The following S100Z variants were observed in gnomAD, a reference collection of about 807,000 sequenced individuals.
S100Z encodes the protein S100 calcium binding protein Z.
Under a neutral mutation model 8.5 loss-of-function variants are expected in S100Z, and 11 were observed. The observed-to-expected ratio is 1.30, with a 90% CI of 0.82 to 2.15. The LOEUF (loss-of-function observed/expected upper bound fraction) is 2.15. S100Z is among the 30% of genes most tolerant of loss of function. S100Z has a pLI of 0.00. For missense variants in S100Z, 126 were observed against 117.9 expected, an observed-to-expected ratio of 1.07 and a Z score of -0.32; for synonymous variants, 34 against 43.8, an observed-to-expected ratio of 0.78 and a Z score of 0.89.
rs539990628 is a variant in S100Z, at chr5:76,858,290, A to T, written c.-176+8135A>T. Among the ~76,000 whole-genome samples, 9 of 152,330 alleles carry T rather than the reference A, an allele frequency of 5.9e-5. No homozygotes were observed. The South Asian group carries it at 1.9e-3, about 32-fold the overall frequency. ...GTAATCCCAGCACTTTGGGAGGCCA[A>T]GGTAGGTGGATCACCTGAGGTCAGG... On this transcript the variant is annotated intron_variant, in intron 1 of 4. Coordinates refer to ENST00000317593, the MANE Select transcript of S100Z (RefSeq NM_130772.4).
At chr5:76,902,639 T>G (rs933910858) in intron 4 of S100Z, among the ~76,000 whole-genome samples, 1 of 150,440 alleles carries the variant, frequency 6.6e-6, no homozygotes, top group Non-Finnish European at 1.5e-5. Context: ...TTTTTTTTGT[T>G]TTTTTTTTGT....
At chr5:76,891,937 C>T (rs1743873927) in intron 4 of S100Z, among the ~76,000 whole-genome samples, 1 of 152,098 alleles carries the variant, frequency 6.6e-6, no homozygotes, top group Non-Finnish European at 1.5e-5. Context: ...AATACAGTGG[C>T]TCACCTGCAT....
intron 3 of S100Z, 68 bp downstream of exon 3, chr5:76,875,568 TTTGGGTTC>T: frequency 1.4e-6 from 2 of 1,419,324 alleles, no homozygotes; most frequent in Non-Finnish European, 1.9e-6. Flanking sequence ...CAGGACAGCC[TTTGGGTTC>T]ATACTGTCCT....
chr5:76,878,064 G>C (rs1456144663), intron 4 of S100Z: 4 of 296,408 alleles, frequency 1.3e-5, no homozygotes, highest in Non-Finnish European at 2.5e-5. Flanking sequence ...GTATTATTAA[G>C]AGGCTATATG....
chr5:76,949,464 G>A, the S100Z span, among the ~76,000 whole-genome samples: 12 of 152,116 alleles, frequency 7.9e-5, no homozygotes, highest in Admixed American at 5.2e-4. Flanking sequence ...CCACTTCTGC[G>A]TATTTTTCCA....
chr5:76,907,532 T>G (rs991602917), intron 4 of S100Z, among the ~76,000 whole-genome samples: 3 of 152,192 alleles, frequency 2.0e-5, no homozygotes, highest in African/African-American at 7.2e-5. Context: ...CTCGATCTCC[T>G]GACCTCTTGA....
At chr5:76,943,659 C>G in the S100Z span, among the ~76,000 whole-genome samples, 4 of 152,192 alleles carry the variant, frequency 2.6e-5, no homozygotes, top group African/African-American at 7.2e-5. Context: ...ACATTGCCCA[C>G]ACCTTTGTAA....
At chr5:76,938,626 T>A in the S100Z span, among the ~76,000 whole-genome samples, 1 of 152,238 alleles carries the variant, frequency 6.6e-6, no homozygotes, top group Non-Finnish European at 1.5e-5. Context: ...TGGTTAGTGC[T>A]TTCTGTAACC....
chr5:76,942,126 TA>T, the S100Z span, among the ~76,000 whole-genome samples: 3 of 151,842 alleles, frequency 2.0e-5, no homozygotes, highest in South Asian at 6.2e-4. Context: ...TTATTATTAT[TA>T]TTTTGTAGAC....
intron 4 of S100Z, among the ~76,000 whole-genome samples, chr5:76,894,832 A>G (rs150608387): frequency 0.033 from 4,991 of 151,548 alleles, 221 homozygotes; most frequent in East Asian, 0.12. Context: ...CAGGTGATCC[A>G]CCCGCCTCGG....
At chr5:76,861,843 C>T (rs544571140) in intron 1 of S100Z, among the ~76,000 whole-genome samples, 4 of 152,284 alleles carry the variant, frequency 2.6e-5, no homozygotes, top group Middle Eastern at 3.4e-3. Context: ...GTATAAATAA[C>T]GCATTTTCAC....
chr5:76,866,159 AC>A (rs1393669810), intron 1 of S100Z, among the ~76,000 whole-genome samples: 1 of 149,968 alleles, frequency 6.7e-6, no homozygotes, highest in African/African-American at 2.5e-5. Flanking sequence ...ATCTTGGCTC[AC>A]TGCAACCTCC....
chr5:76,907,036 A>G (rs189776778), intron 4 of S100Z, among the ~76,000 whole-genome samples: 1,602 of 138,414 alleles, frequency 0.012, 60 homozygotes, highest in African/African-American at 0.041. Flanking sequence ...ATATATATAT[A>G]CCAAATTTTC....
chr5:76,879,750 A>C (rs1344712751), intron 4 of S100Z, among the ~76,000 whole-genome samples: 1 of 152,098 alleles, frequency 6.6e-6, no homozygotes, highest in Non-Finnish European at 1.5e-5. Context: ...CAAAAGAGGC[A>C]TGGCCAGGGA....
intron 3 of S100Z, among the ~76,000 whole-genome samples, chr5:76,877,100 T>C (rs1023961809): frequency 1.3e-5 from 2 of 152,176 alleles, no homozygotes; most frequent in African/African-American, 4.8e-5. Flanking sequence ...ATACTAAAAC[T>C]AAAAGTTATT....
chr5:76,895,848 C>A (rs868434709), intron 4 of S100Z, among the ~76,000 whole-genome samples: 1 of 147,542 alleles, frequency 6.8e-6, no homozygotes, highest in Non-Finnish European at 1.5e-5. Flanking sequence ...CTGCAATCTC[C>A]GCCTCCCAGG....
intron 4 of S100Z, among the ~76,000 whole-genome samples, chr5:76,918,715 T>C (rs374999011): frequency 1.1e-4 from 17 of 152,336 alleles, no homozygotes; most frequent in African/African-American, 4.1e-4. Flanking sequence ...GTGTCTGTAG[T>C]TTACACTAGG....
intron 4 of S100Z, among the ~76,000 whole-genome samples, chr5:76,892,398 C>G (rs1743893874): frequency 6.6e-6 from 1 of 152,134 alleles, no homozygotes; most frequent in Admixed American, 6.5e-5. Flanking sequence ...ACTTCTCCAG[C>G]TTTCTCAAAA....
intron 1 of S100Z, among the ~76,000 whole-genome samples, chr5:76,861,360 G>C (rs1751051630): frequency 6.7e-6 from 1 of 148,850 alleles, no homozygotes; most frequent in African/African-American, 2.5e-5. Flanking sequence ...TTTTTTTTGA[G>C]ATGGAGTCTT....
Sources: gnomAD v4.1 joint callset for allele counts (sites outside exome capture counted in the v4.1 genomes callset) on GRCh38, gnomAD v4.1.1 for gene constraint, MANE v1.5 for transcripts, NCBI Gene and HGNC (gene_info 2026-07-23, HGNC 2026-07-21) for gene names.